Variants in PCDH9 observed in about 807,000 individuals in gnomAD.
PCDH9 encodes the protein protocadherin 9, also known as protocadherin-9.
PCDH9 carries 24 observed loss-of-function variants against 70.6 expected under a neutral mutation model. That is an observed-to-expected ratio of 0.34 (90% CI 0.25 to 0.48). The LOEUF (loss-of-function observed/expected upper bound fraction) is 0.48. Ranked by LOEUF, PCDH9 falls within the 20% of genes least tolerant of loss-of-function variation. The probability of loss-of-function intolerance (pLI) is 0.99; values close to 1 mark genes in which losing one functional copy is unlikely to be tolerated. For synonymous variants in PCDH9, 562 were observed against 558.5 expected (o/e 1.01, Z -0.09); for missense variants, 1,281 against 1,503.6 (o/e 0.85, Z 2.45).
chr13:66,990,724 A>T (rs1037138321), intron 2 of PCDH9, among the ~76,000 whole-genome samples: 8 of 151,472 alleles, frequency 5.3e-5, no homozygotes, highest in Non-Finnish European at 8.9e-5. Flanking sequence ...TGAAGAGGGT[A>T]AAGTAGATGT....
intron 2 of PCDH9, chr13:67,218,957 A>G (rs2089667298): frequency 6.6e-6 from 1 of 152,060 alleles, no homozygotes; most frequent in African/African-American, 2.4e-5. Context: ...ATATTTTCAT[A>G]TGCCATTTAA....
intron 4 of PCDH9, among the ~76,000 whole-genome samples, chr13:66,539,819 C>T (rs1440654312): frequency 6.6e-6 from 1 of 151,290 alleles, no homozygotes; most frequent in Non-Finnish European, 1.5e-5. Context: ...AAAATAATAT[C>T]CATATTTTAT....
intron 2 of PCDH9, among the ~76,000 whole-genome samples, chr13:67,089,738 A>G (rs1477927843): frequency 3.9e-5 from 6 of 152,036 alleles, no homozygotes; most frequent in Admixed American, 1.3e-4. Flanking sequence ...CCTCTAGAAC[A>G]TGAAATTTTT....
chr13:67,067,648 A>T (rs2138145017), intron 2 of PCDH9, among the ~76,000 whole-genome samples: 1 of 152,010 alleles, frequency 6.6e-6, no homozygotes, highest in East Asian at 1.9e-4. Flanking sequence ...CTAATAAAAC[A>T]AAACAACAAT....
rs534554969 is a variant in PCDH9, at chr13:66,498,067, G to A, written c.3340+133143C>T. ...ACTCCTGACCTCAAGTGATCCTCCC[G>A]CCTCGGCTTCCCAATGTGATGGGAT... On this transcript the variant is annotated intron_variant, in intron 4 of 4. Transcript: ENST00000377865. Among the ~76,000 whole-genome samples, 199 of 151,644 alleles carry A rather than the reference G, an allele frequency of 1.3e-3. 1 individual carries two copies. The highest frequency in any genetic ancestry group is 4.6e-3 in the African/African-American group (192 of 41,400).
intron 3 of PCDH9, among the ~76,000 whole-genome samples, chr13:66,868,537 GA>G (rs539304263): frequency 3.6e-4 from 55 of 151,808 alleles, no homozygotes; most frequent in African/African-American, 1.1e-3. Flanking sequence ...TAAGAACTGA[GA>G]AAAAAAATGT....
chr13:67,177,669 C>T (rs528801089), intron 2 of PCDH9, among the ~76,000 whole-genome samples: 1 of 152,112 alleles, frequency 6.6e-6, no homozygotes, highest in Non-Finnish European at 1.5e-5. Context: ...TCTCCATTGT[C>T]CTCTCATAAC....
At chr13:66,729,853 A>G (rs964023203) in intron 3 of PCDH9, among the ~76,000 whole-genome samples, 3 of 152,178 alleles carry the variant, frequency 2.0e-5, no homozygotes, top group Non-Finnish European at 4.4e-5. Flanking sequence ...TTCCACATGT[A>G]TCACAATGTG....
intron 4 of PCDH9, among the ~76,000 whole-genome samples, chr13:66,325,997 T>C (rs546404511): frequency 6.6e-6 from 1 of 152,200 alleles, no homozygotes; most frequent in South Asian, 2.1e-4. Context: ...ATGTCTCAGG[T>C]ACATTATTCC....
At chr13:67,162,196 G>A (rs1193826726) in intron 2 of PCDH9, among the ~76,000 whole-genome samples, 1 of 152,134 alleles carries the variant, frequency 6.6e-6, no homozygotes, top group Non-Finnish European at 1.5e-5. Flanking sequence ...TAAATAATGT[G>A]CAGGTACACA....
intron 3 of PCDH9, among the ~76,000 whole-genome samples, chr13:66,776,754 T>G (rs1358784560): frequency 2.1e-4 from 32 of 151,046 alleles, no homozygotes; most frequent in Non-Finnish European, 4.3e-4. Flanking sequence ...ACCAATGACT[T>G]TCTTCACAGA....
At chr13:67,079,865 A>T (rs996429221) in intron 2 of PCDH9, among the ~76,000 whole-genome samples, 1 of 152,100 alleles carries the variant, frequency 6.6e-6, no homozygotes, top group Non-Finnish European at 1.5e-5. Flanking sequence ...TCTTAACTCA[A>T]ACATTCCTTT....
chr13:67,063,353 C>T (rs1205378470), intron 2 of PCDH9, among the ~76,000 whole-genome samples: 2 of 152,128 alleles, frequency 1.3e-5, no homozygotes, highest in African/African-American at 2.4e-5. Context: ...GTATAAATAC[C>T]AGAAGCAGCA....
chr13:66,717,651 C>A (rs868052463), intron 3 of PCDH9, among the ~76,000 whole-genome samples: 1 of 151,566 alleles, frequency 6.6e-6, no homozygotes, highest in African/African-American at 2.4e-5. Flanking sequence ...TTTAACATTG[C>A]CTTTAGAACA....
chr13:66,396,316 G>T (rs1022564073), intron 4 of PCDH9, among the ~76,000 whole-genome samples: 1 of 152,126 alleles, frequency 6.6e-6, no homozygotes, highest in East Asian at 1.9e-4. Context: ...TTGCTAAAAC[G>T]TAAATTGCTC....
chr13:67,228,386 C>A lies in PCDH9; in HGVS notation c.55G>T (p.Asp19Tyr), dbSNP rs1171827945. ...LAALIACLRL[D>Y]SAIAQELIYT... ...ATAAGTTCTTGAGCTATTGCGGAATCCAGCCTTAAACAGGCAATCAGAGCA... is the reference window on the plus strand; with the variant it reads ...ATAAGTTCTTGAGCTATTGCGGAATACAGCCTTAAACAGGCAATCAGAGCA... Residue 19 changes from aspartate to tyrosine, a missense_variant, in exon 2 of 5, where the codon GAT (aspartate) becomes TAT (tyrosine). Asp to Tyr is a radical substitution (Grantham distance 160, BLOSUM62 -3). Coordinates refer to ENST00000377865, the MANE Select transcript of PCDH9 (RefSeq NM_203487.3). 6.2e-7 allele frequency: 1 copy of A among 1,611,730 alleles called. No individual in the cohort carries two copies. The highest frequency in any genetic ancestry group is 8.5e-7 in the Non-Finnish European group (1 of 1,179,010).
chr13:67,149,130 G>T (rs1450182704), intron 2 of PCDH9, among the ~76,000 whole-genome samples: 2 of 152,156 alleles, frequency 1.3e-5, no homozygotes, highest in Non-Finnish European at 2.9e-5. Context: ...CAATGATATT[G>T]TAGGTCTCTT....
intron 2 of PCDH9, among the ~76,000 whole-genome samples, chr13:67,116,650 T>G (rs1334537614): frequency 6.6e-6 from 1 of 152,212 alleles, no homozygotes; most frequent in Non-Finnish European, 1.5e-5. Flanking sequence ...TAAGCTCAAC[T>G]AAGTGAAATA....
intron 4 of PCDH9, among the ~76,000 whole-genome samples, chr13:66,344,459 G>T (rs1004157355): frequency 2.0e-5 from 3 of 152,060 alleles, no homozygotes; most frequent in Admixed American, 2.0e-4. Context: ...CCTGACAGTG[G>T]TCCAAATGCA....
Sources: allele counts gnomAD v4.1 joint callset (sites outside exome capture counted in the v4.1 genomes callset), GRCh38; gene constraint gnomAD v4.1.1; transcripts MANE v1.5; gene names NCBI Gene and HGNC (gene_info 2026-07-23, HGNC 2026-07-21).